Variants in MMS22L observed in about 807,000 individuals in gnomAD.
The protein encoded by MMS22L is protein MMS22-like.
MMS22L carries 74 observed loss-of-function variants against 159.1 expected under a neutral mutation model. The observed-to-expected ratio is 0.47, with a 90% CI of 0.39 to 0.56. The LOEUF (loss-of-function observed/expected upper bound fraction) is 0.56. Ranked by LOEUF, MMS22L falls within the 20% of genes least tolerant of loss-of-function variation. MMS22L has a pLI of 0.00. For synonymous variants in MMS22L, 517 were observed against 506.9 expected, an observed-to-expected ratio of 1.02 and a Z score of -0.27; for missense variants, 1,351 against 1,422.1, an observed-to-expected ratio of 0.95 and a Z score of 0.80.
intron 14 of MMS22L, among the ~76,000 whole-genome samples, chr6:97,222,033 T>C (rs1299796987): frequency 6.6e-6 from 1 of 152,094 alleles, no homozygotes; most frequent in African/African-American, 2.4e-5. Flanking sequence ...AAATATTATA[T>C]AAATTATTTG....
chr6:97,196,656 T>C (rs1372218763), intron 14 of MMS22L, among the ~76,000 whole-genome samples: 1 of 152,158 alleles, frequency 6.6e-6, no homozygotes, highest in African/African-American at 2.4e-5. Context: ...TCATGGTTTG[T>C]TCCCAGATAA....
intron 22 of MMS22L, among the ~76,000 whole-genome samples, chr6:97,160,495 G>T (rs1350258553): frequency 6.6e-6 from 1 of 151,980 alleles, no homozygotes; most frequent in Non-Finnish European, 1.5e-5. Context: ...GGGGTTTCTT[G>T]TAGAGGATGA....
Position 97,168,221 on chromosome 6 carries a change from C to A in MMS22L, c.2859G>T (p.Trp953Cys), listed in dbSNP as rs1369289418. ...YGMMGILVKS[W>C]AQIFATSKAQ... Reference sequence around the variant, plus strand: ...CTTTAGAAGTGGCAAAGATTTGTGCCCATGATTTCACAAGAATTCCTAACA... The same window carrying A: ...CTTTAGAAGTGGCAAAGATTTGTGCACATGATTTCACAAGAATTCCTAACA... The change falls in exon 20 of 25, where the codon TGG becomes TGT. Residue 953 changes from tryptophan to cysteine, a missense_variant. Coordinates refer to ENST00000683635, the MANE Select transcript of MMS22L (RefSeq NM_001350599.2). The A allele has an allele frequency of 6.2e-7, 1 of 1,612,170 alleles. No individual in the cohort carries two copies. Among genetic ancestry groups the A allele is most frequent in the East Asian group, 2.2e-5 (1 of 44,814 alleles).
rs1800792664 is a variant in MMS22L, at chr6:97,144,294, A to G, written c.*2512T>C. 6.6e-6 allele frequency: 1 copy of G among 152,174 alleles called. No individual in the cohort carries two copies. Among genetic ancestry groups the G allele is most frequent in the Non-Finnish European group, 1.5e-5 (1 of 68,040 alleles). The allele number at this position is 152,174 out of a possible 1,614,324, so 9.4% of individuals were successfully genotyped here. A position where few individuals can be genotyped will look rare whatever the true frequency, so the allele number is the denominator to read the frequency against. On this transcript the variant is annotated 3_prime_UTR_variant, in exon 25 of 25. Coordinates refer to ENST00000683635, the MANE Select transcript of MMS22L (RefSeq NM_001350599.2). ...GGACTGGTTCCAGGATCCCCTGTGCATACCATAATCTGCACTTACTCAAGT... is the reference window on the plus strand; with the variant it reads ...GGACTGGTTCCAGGATCCCCTGTGCGTACCATAATCTGCACTTACTCAAGT...
intron 3 of MMS22L, among the ~76,000 whole-genome samples, chr6:97,279,804 G>A (rs1211424883): frequency 1.3e-5 from 2 of 150,268 alleles, no homozygotes; most frequent in Non-Finnish European, 3.0e-5. Context: ...AAAAAAAGAA[G>A]TTTAAGATAC....
chr6:97,232,936 A>G (rs532500245), intron 12 of MMS22L, among the ~76,000 whole-genome samples: 49 of 152,098 alleles, frequency 3.2e-4, no homozygotes, highest in South Asian at 1.0e-3. Context: ...TAAATTTTCA[A>G]TCTTCCAAAC....
In MMS22L at chr6:97,246,374, G is replaced by C. The variant is rs529933096; in HGVS notation, c.1182+254C>G. Among the ~76,000 whole-genome samples the C allele has an allele frequency of 5.7e-4, 86 of 152,132 alleles. 1 individual carries two copies. The highest frequency in any genetic ancestry group is 9.4e-4 in the Non-Finnish European group (64 of 68,014). ...CAGTCAAGGAATGGCATACAGTTCTGAAGCATCTACCACTTATTTTGAATA... is the reference window on the plus strand; with the variant it reads ...CAGTCAAGGAATGGCATACAGTTCTCAAGCATCTACCACTTATTTTGAATA... On this transcript the variant is annotated intron_variant, in intron 11 of 24. Coordinates refer to ENST00000683635, the MANE Select transcript of MMS22L (RefSeq NM_001350599.2).
intron 22 of MMS22L, among the ~76,000 whole-genome samples, chr6:97,159,017 A>T (rs892748924): frequency 6.6e-6 from 1 of 152,050 alleles, no homozygotes; most frequent in Non-Finnish European, 1.5e-5. Flanking sequence ...TACATTTAGG[A>T]CAGTTAGCTC....
chr6:97,263,802 A>C (rs1814765785), intron 8 of MMS22L: 1 of 155,388 alleles, frequency 6.4e-6, no homozygotes, highest in Admixed American at 6.6e-5. Flanking sequence ...TCCGCCTCCC[A>C]GGTTCACGCC....
chr6:97,189,541 ACT>A (rs1264879180), intron 14 of MMS22L, among the ~76,000 whole-genome samples: 3 of 120,884 alleles, frequency 2.5e-5, no homozygotes, highest in Non-Finnish European at 1.6e-5. Context: ...CAACAGCGAG[ACT>A]CTGTCTCCAA....
intron 14 of MMS22L, among the ~76,000 whole-genome samples, chr6:97,193,090 T>C (rs1376436731): frequency 1.3e-5 from 2 of 152,160 alleles, no homozygotes. Context: ...TTAATAAAGG[T>C]AGTTATAAAG....
intron 14 of MMS22L, among the ~76,000 whole-genome samples, chr6:97,188,977 A>G (rs1805552863): frequency 6.6e-6 from 1 of 151,518 alleles, no homozygotes; most frequent in African/African-American, 2.4e-5. Context: ...TTTAAAAATA[A>G]TAATAATAAT....
intron 15 of MMS22L, among the ~76,000 whole-genome samples, chr6:97,185,878 T>C (rs183650862): frequency 5.6e-4 from 85 of 152,190 alleles, no homozygotes; most frequent in Admixed American, 1.1e-3. Context: ...TTGAGCAAAA[T>C]ACCCCCTTGA....
At chr6:97,277,352 T>C (rs1040619880) in intron 4 of MMS22L, among the ~76,000 whole-genome samples, 2 of 152,080 alleles carry the variant, frequency 1.3e-5, no homozygotes, top group South Asian at 2.1e-4. Context: ...GGCTGGAGGT[T>C]GCAGTGGGCC....
chr6:97,228,061 T>C (rs1253647721), intron 14 of MMS22L, among the ~76,000 whole-genome samples: 6 of 152,232 alleles, frequency 3.9e-5, no homozygotes, highest in Non-Finnish European at 8.8e-5. Flanking sequence ...GCTATGACTT[T>C]GCTGCAAAAA....
intron 14 of MMS22L, among the ~76,000 whole-genome samples, chr6:97,212,605 T>A (rs1246729646): frequency 6.6e-6 from 1 of 152,164 alleles, no homozygotes; most frequent in African/African-American, 2.4e-5. Flanking sequence ...TCAATACGTA[T>A]CATTATACAC....
intron 12 of MMS22L, among the ~76,000 whole-genome samples, chr6:97,232,260 T>C (rs1449801238): frequency 1.3e-5 from 2 of 152,182 alleles, no homozygotes; most frequent in Non-Finnish European, 2.9e-5. Flanking sequence ...CCACCCATTT[T>C]AGTGGTCCCA....
At chr6:97,281,059 T>G (rs1816714574) in intron 3 of MMS22L, among the ~76,000 whole-genome samples, 178 bp downstream of exon 3, 1 of 152,204 alleles carries the variant, frequency 6.6e-6, no homozygotes, top group African/African-American at 2.4e-5. Flanking sequence ...CGCAACTCAT[T>G]AAAACCATTA....
intron 17 of MMS22L, 46 bp from the exon 18 acceptor site, chr6:97,178,631 C>G: frequency 9.9e-7 from 1 of 1,010,848 alleles, no homozygotes; most frequent in Non-Finnish European, 1.4e-6. Flanking sequence ...ATATAACATA[C>G]TATATACATA....
Sources: gnomAD v4.1 joint callset for allele counts (sites outside exome capture counted in the v4.1 genomes callset) on GRCh38, gnomAD v4.1.1 for gene constraint, MANE v1.5 for transcripts, NCBI Gene and HGNC (gene_info 2026-07-23, HGNC 2026-07-21) for gene names.